The following EPB41L5 variants were observed in gnomAD, a reference collection of about 807,000 sequenced individuals.
The protein encoded by EPB41L5 is band 4.1-like protein 5.
A neutral mutation model predicts 106.6 loss-of-function variants in EPB41L5; 55 were observed. That is an observed-to-expected ratio of 0.52 (90% confidence interval 0.42 to 0.65). EPB41L5 has a LOEUF of 0.65. Ranked by LOEUF, EPB41L5 falls within the 30% of genes least tolerant of loss-of-function variation. The pLI, the probability that EPB41L5 is intolerant of heterozygous loss-of-function variation, is 0.00. For missense variants in EPB41L5, 871 were observed against 882.1 expected (o/e 0.99, Z 0.16); for synonymous variants, 297 against 306.7 (o/e 0.97, Z 0.33).
At chr2:120,107,447 T>G (rs536260611) in intron 16 of EPB41L5, among the ~76,000 whole-genome samples, 1 of 152,336 alleles carries the variant, frequency 6.6e-6, no homozygotes, top group Admixed American at 6.5e-5. Flanking sequence ...TTCCTGAATT[T>G]TAATATGTGT....
At chr2:120,106,016 T>C (rs1172327447) in intron 16 of EPB41L5, 1 of 984,894 alleles carries the variant, frequency 1.0e-6, no homozygotes, top group Non-Finnish European at 1.2e-6. Flanking sequence ...CAGGACATGC[T>C]CATATAATGC....
chr2:120,025,504 A>G (rs1452487688), intron 2 of EPB41L5, among the ~76,000 whole-genome samples: 1 of 151,898 alleles, frequency 6.6e-6, no homozygotes, highest in East Asian at 1.9e-4. Context: ...TCTTTATCCA[A>G]TTTGCCAGTC....
chr2:120,076,597 G>A (rs953510652), intron 7 of EPB41L5, among the ~76,000 whole-genome samples: 3 of 145,048 alleles, frequency 2.1e-5, no homozygotes, highest in African/African-American at 7.7e-5. Context: ...ACCACACCCA[G>A]CCTTAGTAAT....
chr2:120,071,289 C>T (rs1302476235), intron 3 of EPB41L5, among the ~76,000 whole-genome samples: 1 of 152,250 alleles, frequency 6.6e-6, no homozygotes, highest in East Asian at 1.9e-4. Flanking sequence ...TGGAGGACCT[C>T]TTGAAGGAGA....
intron 16 of EPB41L5, among the ~76,000 whole-genome samples, chr2:120,119,467 C>T (rs886989088): frequency 1.3e-5 from 2 of 151,970 alleles, no homozygotes; most frequent in African/African-American, 2.4e-5. Flanking sequence ...TGATTTTCTT[C>T]TAGGGTTTTT....
At position 120,057,993 on chromosome 2, in the gene EPB41L5, G is replaced by A. The variant is rs79948851; in HGVS notation, c.286-15185G>A. On this transcript the variant is annotated intron_variant, in intron 3 of 24. Transcript: ENST00000263713. ...GAGAACACATTTGATACATTTTGAA[G>A]GAACAATTTTCAGTCTTAAAATCAC... 2.3e-4 allele frequency among the ~76,000 whole-genome samples: 35 copies of A among 152,126 alleles called. No individual in the cohort carries two copies. The East Asian group carries it at 6.6e-3, about 29-fold the overall frequency.
intron 15 of EPB41L5, 111 bp downstream of exon 15, chr2:120,100,397 G>A: frequency 2.0e-6 from 2 of 1,022,136 alleles, no homozygotes; most frequent in Admixed American, 2.3e-5. Context: ...CAAATTATGT[G>A]CATTTTCTTT....
At chr2:120,028,873 T>C (rs1558806361) in intron 2 of EPB41L5, among the ~76,000 whole-genome samples, 1 of 152,016 alleles carries the variant, frequency 6.6e-6, no homozygotes, top group Non-Finnish European at 1.5e-5. Context: ...AGGATGGAAG[T>C]GAAGCAAAGA....
In EPB41L5 at chr2:120,164,842, A is replaced by G. The variant is rs1321248726; in HGVS notation, c.1894A>G (p.Thr632Ala). 1.2e-6 allele frequency: 2 copies of G among 1,610,214 alleles called. No homozygotes were observed. Among genetic ancestry groups the G allele is most frequent in the Non-Finnish European group, 8.5e-7 (1 of 1,178,242 alleles). ...AGATTCCTGTCTTCCATAGGAAGCT[A>G]CAGATGAATTGGATGCCTTGCTTGC... is the stretch of plus-strand genomic sequence containing the variant. ...ADSGSVLKEA[T>A]DELDALLASL... is the part of the protein sequence containing the mutation. Residue 632 changes from threonine to alanine, a missense_variant, in exon 22 of 25, where the codon ACA (threonine) becomes GCA (alanine). Transcript: ENST00000263713.
chr2:120,074,325 A>G (rs924846852), intron 5 of EPB41L5, 147 bp downstream of exon 5: 5 of 602,202 alleles, frequency 8.3e-6, no homozygotes, highest in African/African-American at 5.7e-5. Flanking sequence ...TTATTCTGGG[A>G]CGTGTTTTTT....
intron 16 of EPB41L5, among the ~76,000 whole-genome samples, chr2:120,120,489 A>T (rs1685168298): frequency 6.6e-6 from 1 of 151,646 alleles, no homozygotes; most frequent in Non-Finnish European, 1.5e-5. Flanking sequence ...GCTGTGGGCA[A>T]GTAGAAGCAG....
At chr2:120,123,482 C>T (rs2105453478) in intron 16 of EPB41L5, among the ~76,000 whole-genome samples, 1 of 152,108 alleles carries the variant, frequency 6.6e-6, no homozygotes, top group East Asian at 1.9e-4. Flanking sequence ...AACTTTTCCC[C>T]ATTTCTAGCT....
rs1011319918 is a variant in EPB41L5 at position 120,069,411 on chromosome 2, A to G, written c.286-3767A>G. ...CCCACTGTCAATATTAGAAAGATCA[A>G]TGAGACAGAAAATTGACAAGGATAT... On this transcript the variant is annotated intron_variant, in intron 3 of 24. Transcript: ENST00000263713. Among the ~76,000 whole-genome samples the G allele has an allele frequency of 2.6e-5, 4 of 152,260 alleles. No individual in the cohort carries two copies. In the South Asian group the frequency reaches 6.2e-4, roughly 24 times the overall value.
At chr2:120,077,383 T>C in intron 9 of EPB41L5, 67 bp downstream of exon 9, 1 of 1,389,828 alleles carries the variant, frequency 7.2e-7, no homozygotes, top group Non-Finnish European at 1.0e-6. Context: ...ACTGTGGAAT[T>C]TTTCAGTATG....
At chr2:120,148,354 C>A (rs1243623901) in intron 20 of EPB41L5, among the ~76,000 whole-genome samples, 1 of 151,960 alleles carries the variant, frequency 6.6e-6, no homozygotes, top group South Asian at 2.1e-4. Flanking sequence ...AAGGTAGAAA[C>A]CTTCATACTC....
At chr2:120,087,360 T>C (rs1418860016) in intron 11 of EPB41L5, 120 bp downstream of exon 11, 1 of 565,138 alleles carries the variant, frequency 1.8e-6, no homozygotes, top group Admixed American at 3.4e-5. Flanking sequence ...GCAAACAGTA[T>C]AATTAATGCT....
intron 16 of EPB41L5, among the ~76,000 whole-genome samples, chr2:120,107,992 T>C (rs1160110362): frequency 6.6e-6 from 1 of 152,152 alleles, no homozygotes; most frequent in African/African-American, 2.4e-5. Context: ...GAAGAGAAAA[T>C]TTTAAAAGAA....
intron 22 of EPB41L5, among the ~76,000 whole-genome samples, chr2:120,166,035 G>C (rs1687392828): frequency 6.8e-6 from 1 of 147,326 alleles, no homozygotes; most frequent in Non-Finnish European, 1.5e-5. Flanking sequence ...GATATGACGA[G>C]AATTGCTGTA....
At chr2:120,120,982 T>C (rs1416448586) in intron 16 of EPB41L5, among the ~76,000 whole-genome samples, 3 of 152,106 alleles carry the variant, frequency 2.0e-5, no homozygotes, top group Non-Finnish European at 4.4e-5. Flanking sequence ...CTGGGAGTGG[T>C]GGCCGGCACC....
Sources: allele counts gnomAD v4.1 joint callset (sites outside exome capture counted in the v4.1 genomes callset), GRCh38; gene constraint gnomAD v4.1.1; transcripts MANE v1.5; gene names NCBI Gene and HGNC (gene_info 2026-07-23, HGNC 2026-07-21).